The following TELO2 variants were observed in gnomAD, a reference collection of about 807,000 sequenced individuals.
TELO2 encodes the protein telomere length regulation protein TEL2 homolog.
In TELO2, 71 loss-of-function variants were observed where a neutral mutation model predicts 91.0. That is an observed-to-expected ratio of 0.78 (90% CI 0.64 to 0.95). The LOEUF (loss-of-function observed/expected upper bound fraction) is 0.95, where lower values mean the gene tolerates loss of function less well. Ranked by LOEUF, TELO2 falls within the 40% of genes least tolerant of loss-of-function variation. TELO2 has a pLI of 0.00. For missense variants in TELO2, 1,183 were observed against 1,141.3 expected, an observed-to-expected ratio of 1.04 and a Z score of -0.53; for synonymous variants, 584 against 518.9, an observed-to-expected ratio of 1.13 and a Z score of -1.71.
intron 6 of TELO2, 122 bp downstream of exon 6, chr16:1,499,455 T>C: frequency 9.3e-7 from 1 of 1,075,996 alleles, no homozygotes; most frequent in Non-Finnish European, 1.4e-6. Flanking sequence ...TGGCAGTGGC[T>C]GGCAGGAGTT....
chr16:1,506,118 G>T (rs891427073), intron 16 of TELO2, 120 bp from the exon 17 acceptor site: 8 of 1,110,818 alleles, frequency 7.2e-6, no homozygotes, highest in Admixed American at 5.7e-5. Context: ...CGGAAGAGTA[G>T]CCCGGGGAGG....
chr16:1,509,520 C>T (rs548787153), intron 20 of TELO2, among the ~76,000 whole-genome samples: 73 of 152,386 alleles, frequency 4.8e-4, no homozygotes, highest in Non-Finnish European at 8.5e-4. Flanking sequence ...CCCTTGTCTG[C>T]CGTCCAGCAA....
rs1297083323 is a variant in TELO2 at position 1,506,959 on chromosome 16, G to T, written c.2134G>T (p.Val712Leu). ...PLLQRFDRPL[V>L]TFDLLGEDQL... ...CTCCATCCTGTGCTCTAGGCCTCTGGTGACCTTCGACCTCTTGGGAGAAGA... is the reference window on the plus strand; with the variant it reads ...CTCCATCCTGTGCTCTAGGCCTCTGTTGACCTTCGACCTCTTGGGAGAAGA... Residue 712 changes from valine to leucine, a missense_variant, in exon 18 of 21, where the codon GTG (valine) becomes TTG (leucine). By Grantham distance (32) the Val-to-Leu change is conservative. Transcript: ENST00000262319. 1.2e-6 allele frequency: 2 copies of T among 1,609,824 alleles called. No homozygotes were observed. Among genetic ancestry groups the T allele is most frequent in the Admixed American group, 1.7e-5 (1 of 59,672 alleles).
At chr16:1,495,196 A>G (rs2142453255) in intron 2 of TELO2, 150 bp from the exon 3 acceptor site, 4 of 1,181,558 alleles carry the variant, frequency 3.4e-6, no homozygotes, top group Non-Finnish European at 4.6e-6. Context: ...ATGGATTAAC[A>G]GATTTTCCCA....
chr16:1,496,280 G>A (rs960553766), intron 3 of TELO2, among the ~76,000 whole-genome samples: 3 of 152,184 alleles, frequency 2.0e-5, no homozygotes, highest in Non-Finnish European at 2.9e-5. Flanking sequence ...GGAGCAGCTC[G>A]GCGCCCCCTC....
In TELO2 at chr16:1,497,486, G is replaced by C; in HGVS notation, c.808G>C (p.Gly270Arg). 1 of 1,572,914 alleles carries C rather than the reference G, an allele frequency of 6.4e-7. No individual in the cohort carries two copies. The highest frequency in any genetic ancestry group is 8.6e-7 in the Non-Finnish European group (1 of 1,162,170). Residue 270 changes from glycine to arginine, a missense_variant, in exon 5 of 21, where the codon GGG (glycine) becomes CGG (arginine). Physicochemically the swap from Gly to Arg is moderately radical, Grantham distance 125. Coordinates refer to ENST00000262319, the MANE Select transcript of TELO2 (RefSeq NM_016111.4). The surrounding 1 kb of genome is among the most constrained non-coding windows in gnomAD (Gnocchi z 4.0). ...PDRAMEAVLT[G>R]LVEAALGPEV... ...CCGGGCCATGGAGGCTGTGCTGACCGGGCTGGTGGAGGCCGCACTGGGGTA... is the reference window on the plus strand; with the variant it reads ...CCGGGCCATGGAGGCTGTGCTGACCCGGCTGGTGGAGGCCGCACTGGGGTA...
At position 1,497,014 on chromosome 16, in the gene TELO2, C is replaced by G; in HGVS notation, c.614-22C>G. On this transcript the variant is annotated intron_variant, in intron 3 of 20. Coordinates refer to ENST00000262319, the MANE Select transcript of TELO2 (RefSeq NM_016111.4). The surrounding 1 kb of genome is among the most constrained non-coding windows in gnomAD (Gnocchi z 4.0). ...TGTGCCTTCCCGCCGGCTTCCTCAT[C>G]AGGCCTCCCTTTCTGTCCCAGGTGG... 1 of 1,612,898 alleles carries G rather than the reference C, an allele frequency of 6.2e-7. No individual in the cohort carries two copies. Among genetic ancestry groups the G allele is most frequent in the Non-Finnish European group, 8.5e-7 (1 of 1,179,302 alleles).
chr16:1,506,403 C>A, intron 17 of TELO2, 74 bp downstream of exon 17: 2 of 1,610,550 alleles, frequency 1.2e-6, no homozygotes, highest in South Asian at 2.2e-5. Flanking sequence ...CCAAGAAGTT[C>A]GGGCTGGGAT....
At chr16:1,495,809 C>T (rs1260741049) in intron 3 of TELO2, among the ~76,000 whole-genome samples, 186 bp downstream of exon 3, 4 of 152,252 alleles carry the variant, frequency 2.6e-5, no homozygotes, top group Non-Finnish European at 4.4e-5. Flanking sequence ...GGCTGAAGTC[C>T]GCTGCCCTCC....
chr16:1,499,403 G>T, intron 6 of TELO2, 70 bp downstream of exon 6: 1 of 1,544,924 alleles, frequency 6.5e-7, no homozygotes, highest in Non-Finnish European at 8.9e-7. Context: ...AAAACATGGG[G>T]TCGGAGCGGT....
rs780390606 is a variant in TELO2 at position 1,500,644 on chromosome 16, T to C, written c.1226T>C (p.Val409Ala). ...CCCGTGCGACGCCTGGGCATGATCG[T>C]GGCAGAGGTCGTTAGTGCCCGGATC... ...LPPVRRLGMIVAEVVSARIHP... is the reference protein window; with the variant it reads ...LPPVRRLGMIAAEVVSARIHP... Residue 409 changes from valine (V) to alanine (A), a missense_variant, in exon 9 of 21, where the codon GTG becomes GCG. Coordinates refer to ENST00000262319, the MANE Select transcript of TELO2 (RefSeq NM_016111.4). 6.2e-7 allele frequency: 1 copy of C among 1,612,564 alleles called. No individual in the cohort carries two copies. The highest frequency in any genetic ancestry group is 8.5e-7 in the Non-Finnish European group (1 of 1,179,822).
chr16:1,501,362 T>A lies in TELO2; in HGVS notation c.1282-58T>A, dbSNP rs375817337. 5.2e-5 allele frequency: 82 copies of A among 1,565,938 alleles called. No homozygotes were observed. In the East Asian group the frequency reaches 1.5e-3, roughly 29 times the overall value. ...GTGGGGAGTGGCTCCCGTGGCTCCGTCTCGGGGAGGGGCGCTGCAGCCTGG... is the reference window on the plus strand; with the variant it reads ...GTGGGGAGTGGCTCCCGTGGCTCCGACTCGGGGAGGGGCGCTGCAGCCTGG... On this transcript the variant is annotated intron_variant, in intron 9 of 20. Transcript: ENST00000262319.
At chr16:1,509,415 G>A (rs1191191425) in intron 20 of TELO2, among the ~76,000 whole-genome samples, 1 of 152,190 alleles carries the variant, frequency 6.6e-6, no homozygotes, top group Non-Finnish European at 1.5e-5. Context: ...CAAGAGCTCT[G>A]GCAGTGTGCG....
At chr16:1,500,538 CAG>C in intron 8 of TELO2, 23 bp from the exon 9 acceptor site, 1 of 1,610,726 alleles carries the variant, frequency 6.2e-7, no homozygotes, top group Non-Finnish European at 8.5e-7. Flanking sequence ...CCGAGGTGCT[CAG>C]GGGGCCTGTC....
chr16:1,501,704 C>A lies in TELO2; in HGVS notation c.1403C>A (p.Thr468Asn), dbSNP rs201880805. Residue 468 changes from threonine to asparagine, a missense_variant, in exon 11 of 21, where the codon ACC becomes AAC. Thr to Asn is a moderately conservative substitution (Grantham distance 65). Transcript: ENST00000262319. ...GCCACGGCAGAGCCCCCTGCAGAGACCCCCGCAGAGATCGTGGATGGCGGC... is the reference window on the plus strand; with the variant it reads ...GCCACGGCAGAGCCCCCTGCAGAGAACCCCGCAGAGATCGTGGATGGCGGC... ...VPATAEPPAETPAEIVDGGVP... is the reference protein window; with the variant it reads ...VPATAEPPAENPAEIVDGGVP... The A allele has an allele frequency of 1.9e-6, 3 of 1,612,962 alleles. No individual in the cohort carries two copies. The highest frequency in any genetic ancestry group is 2.2e-5 in the South Asian group (2 of 91,052).
intron 15 of TELO2, 152 bp downstream of exon 15, chr16:1,503,154 C>A: frequency 1.2e-6 from 1 of 813,818 alleles, no homozygotes. Context: ...CAGGACTCAG[C>A]AGTGGGGGAG....
chr16:1,507,151 G>C, intron 18 of TELO2, 100 bp downstream of exon 18: 1 of 1,495,522 alleles, frequency 6.7e-7, no homozygotes, highest in Non-Finnish European at 9.0e-7. Flanking sequence ...CTGAGGGAGG[G>C]GCTGCCTGTG....
intron 20 of TELO2, among the ~76,000 whole-genome samples, chr16:1,508,639 G>A (rs541609729): frequency 6.6e-4 from 101 of 152,274 alleles, no homozygotes; most frequent in Non-Finnish European, 1.3e-3. Context: ...TTCCTTTCCC[G>A]TGGGGCTGGG....
Position 1,505,654 on chromosome 16 carries a change from G to GGGGGGGGT in TELO2, c.2034+53_2034+54insGGGGGGGT. 1.5e-6 allele frequency: 1 copy of GGGGGGGGT among 666,574 alleles called. No individual in the cohort carries two copies. Among genetic ancestry groups the GGGGGGGGT allele is most frequent in the Non-Finnish European group, 2.6e-6 (1 of 378,974 alleles). 41.3% of individuals were successfully genotyped at this position (666,574 alleles called of 1,614,324 possible). A position where few individuals can be genotyped will look rare whatever the true frequency, so the allele number is the denominator to read the frequency against. On this transcript the variant is annotated intron_variant, in intron 16 of 20. Transcript: ENST00000262319. The surrounding 1 kb of genome is among the most constrained non-coding windows in gnomAD (Gnocchi z 4.3). ...GGGCATGGGGACCGTGGGTGGGTGG[G>GGGGGGGGT]AAGGGCGGTCAGACACCTCCAGGCG... is the stretch of plus-strand genomic sequence containing the variant.
Sources: gnomAD v4.1 joint callset for allele counts (sites outside exome capture counted in the v4.1 genomes callset) on GRCh38, gnomAD v4.1.1 for gene constraint, Gnocchi (gnomAD v3.1) non-coding constraint, MANE v1.5 for transcripts, NCBI Gene and HGNC (gene_info 2026-07-23, HGNC 2026-07-21) for gene names.